The following TSR3 variants were observed in gnomAD, a reference collection of about 807,000 sequenced individuals.
TSR3 encodes the protein TSR3 ribosome maturation factor, also known as 18S rRNA aminocarboxypropyltransferase.
TSR3 carries 31 observed loss-of-function variants against 28.1 expected under a neutral mutation model. The ratio of observed to expected loss-of-function variants is 1.10; its 90% CI spans 0.83 to 1.49. The LOEUF (loss-of-function observed/expected upper bound fraction) is 1.49. TSR3 is among the 40% of genes most tolerant of loss of function. The probability of loss-of-function intolerance (pLI) is 0.00; values close to 1 mark genes in which losing one functional copy is unlikely to be tolerated. For synonymous variants in TSR3, 219 were observed against 197.2 expected, an observed-to-expected ratio of 1.11 and a Z score of -0.93; for missense variants, 511 against 444.0, an observed-to-expected ratio of 1.15 and a Z score of -1.36.
rs367842011 is a variant in TSR3, at chr16:1,351,009, G to A, written c.333-9C>T. ...ACTGCGCCACCAGCTGTCTGCCAGG[G>A]ACAGCATGGGATAAGTTCAGGAGCC... On this transcript the variant is annotated splice_polypyrimidine_tract_variant and intron_variant, in intron 2 of 5. Coordinates refer to ENST00000007390, the MANE Select transcript of TSR3 (RefSeq NM_001001410.3). The A allele has an allele frequency of 4.3e-6, 7 of 1,610,618 alleles. No individual in the cohort carries two copies. In the African/African-American group the frequency reaches 9.3e-5, roughly 22 times the overall value.
chr16:1,350,430 C>T (rs1008865739), intron 3 of TSR3, among the ~76,000 whole-genome samples, 196 bp from the exon 4 acceptor site: 4 of 152,180 alleles, frequency 2.6e-5, no homozygotes, highest in Non-Finnish European at 5.9e-5. Context: ...TGCAACCGAC[C>T]AAGTCCCCCT....
Position 1,350,089 on chromosome 16 carries a change from A to C in TSR3, c.672T>G (p.Asn224Lys), listed in dbSNP as rs1439557684. Reference protein sequence around the residue: ...VLQAEQEFLANAKESPQEEEI... With the variant: ...VLQAEQEFLAKAKESPQEEEI... ...CCTCCTCCTGGGGGCTCTCCTTGGCATTGGCCAAGAACTCCTGCTCCGCCT... is the reference window on the plus strand; with the variant it reads ...CCTCCTCCTGGGGGCTCTCCTTGGCCTTGGCCAAGAACTCCTGCTCCGCCT... The change falls in exon 4 of 6, where the codon AAT becomes AAG. Residue 224 changes from asparagine to lysine, a missense_variant. Coordinates refer to ENST00000007390, the MANE Select transcript of TSR3 (RefSeq NM_001001410.3). 1 of 1,609,008 alleles carries C rather than the reference A, an allele frequency of 6.2e-7. No individual in the cohort carries two copies. Among genetic ancestry groups the C allele is most frequent in the East Asian group, 2.2e-5 (1 of 44,752 alleles).
Position 1,351,715 on chromosome 16 carries a change from C to A in TSR3, c.90G>T (p.Glu30Asp). 1 of 1,373,476 alleles carries A rather than the reference C, an allele frequency of 7.3e-7. No individual in the cohort carries two copies. Among genetic ancestry groups the A allele is most frequent in the Non-Finnish European group, 9.4e-7 (1 of 1,068,392 alleles). The allele number at this position is 1,373,476 out of a possible 1,614,324, so 85.1% of individuals were successfully genotyped here. A position where few individuals can be genotyped will look rare whatever the true frequency, so the allele number is the denominator to read the frequency against. Residue 30 changes from glutamate to aspartate, a missense_variant, in exon 1 of 6, where the codon GAG becomes GAT. Coordinates refer to ENST00000007390, the MANE Select transcript of TSR3 (RefSeq NM_001001410.3). ...LPTRSLEAFA[E>D]EVGAALQASV... The stretch of plus-strand genomic sequence containing the variant: ...CACCCTGCAGCGCGGCGCCGACCTC[C>A]TCGGCGAAGGCCTCCAGGGAGCGCG...
rs1263602943 is a variant in TSR3 at position 1,351,372 on chromosome 16, C to A, written c.332+7G>T. ...AAGACGACCTCGGGCAGGCCTCCCG[C>A]GCCTACCTGTCTGCGGGGGACGCGT... On this transcript the variant is annotated splice_region_variant and intron_variant, in intron 2 of 5. Coordinates refer to ENST00000007390, the MANE Select transcript of TSR3 (RefSeq NM_001001410.3). 1 of 1,578,464 alleles carries A rather than the reference C, an allele frequency of 6.3e-7. No homozygotes were observed. The highest frequency in any genetic ancestry group is 8.5e-7 in the Non-Finnish European group (1 of 1,171,220).
chr16:1,350,827 G>T lies in TSR3; in HGVS notation c.506C>A (p.Ala169Asp), dbSNP rs776447880. The T allele has an allele frequency of 1.2e-6, 2 of 1,612,922 alleles. No individual in the cohort carries two copies. Among genetic ancestry groups the T allele is most frequent in the South Asian group, 2.2e-5 (2 of 91,080 alleles). Residue 169 changes from alanine to aspartate, a missense_variant, in exon 3 of 6, where the codon GCT becomes GAT. Transcript: ENST00000007390. ...PYRLSCVEAFAATFCIVGFPD... is the reference protein window; with the variant it reads ...PYRLSCVEAFDATFCIVGFPD... ...CTCACCTACGATGCAGAAGGTGGCA[G>T]CAAACGCTTCCACGCAGGAAAGTCT... is the stretch of plus-strand genomic sequence containing the variant.
In TSR3 at chr16:1,351,702, C is replaced by T; in HGVS notation, c.103G>A (p.Ala35Thr). 7.3e-7 allele frequency: 1 copy of T among 1,372,160 alleles called. No homozygotes were observed. The highest frequency in any genetic ancestry group is 9.4e-7 in the Non-Finnish European group (1 of 1,068,294). The allele number at this position is 1,372,160 out of a possible 1,614,324, so 85.0% of individuals were successfully genotyped here. A position where few individuals can be genotyped will look rare whatever the true frequency, so the allele number is the denominator to read the frequency against. The change falls in exon 1 of 6, where the codon GCG becomes ACG. Residue 35 changes from alanine (A) to threonine (T), a missense_variant. Ala to Thr is a moderately conservative substitution (Grantham distance 58). Transcript: ENST00000007390. ...ATCACGCCTCGCTCACCCTGCAGCG[C>T]GGCGCCGACCTCCTCGGCGAAGGCC... ...LEAFAEEVGA[A>T]LQASVEPGAA...
In TSR3 at chr16:1,350,137, G is replaced by T. The variant is rs759381551; in HGVS notation, c.624C>A (p.Cys208Ter). 1 of 1,612,132 alleles carries T rather than the reference G, an allele frequency of 6.2e-7. No individual in the cohort carries two copies. The highest frequency in any genetic ancestry group is 1.7e-5 in the Admixed American group (1 of 59,990). ...CCTGCAGCACCTCCTCCGGGCTGCC[G>T]CAGGCCGCGTACTTGTCCAGGAGCT... Reference protein sequence around the residue: ...NRQLLDKYAACGSPEEVLQAE... With the variant: ...NRQLLDKYAA Residue 208 changes from cysteine to a stop codon, truncating the protein, a stop_gained, in exon 4 of 6, where the codon TGC (cysteine) becomes TGA (stop). Coordinates refer to ENST00000007390, the MANE Select transcript of TSR3 (RefSeq NM_001001410.3). LOFTEE classifies it high-confidence loss of function.
chr16:1,351,024 G>C, intron 2 of TSR3, 24 bp from the exon 3 acceptor site: 1 of 1,607,476 alleles, frequency 6.2e-7, no homozygotes, highest in East Asian at 2.2e-5. Context: ...CATGGGATAA[G>C]TTCAGGAGCC....
At chr16:1,350,755 A>G in intron 3 of TSR3, 52 bp downstream of exon 3, 2 of 1,571,070 alleles carry the variant, frequency 1.3e-6, no homozygotes, top group Non-Finnish European at 1.7e-6. Flanking sequence ...CTGGGAGCAT[A>G]GCAGGAACAG....
intron 2 of TSR3, 92 bp downstream of exon 2, chr16:1,351,287 G>A: frequency 3.0e-6 from 4 of 1,341,978 alleles, no homozygotes; most frequent in Non-Finnish European, 4.0e-6. Flanking sequence ...GGGTGTGGAT[G>A]TGGGTGCGAC....
At chr16:1,351,357 CG>C in intron 2 of TSR3, 21 bp downstream of exon 2, 1 of 1,564,832 alleles carries the variant, frequency 6.4e-7, no homozygotes, top group East Asian at 2.3e-5. Context: ...AAGACGACCT[CG>C]GGCAGGCCTC....
At position 1,351,014 on chromosome 16, in the gene TSR3, C is replaced by CA; in HGVS notation, c.333-15dup. On this transcript the variant is annotated splice_polypyrimidine_tract_variant and intron_variant, in intron 2 of 5. Coordinates refer to ENST00000007390, the MANE Select transcript of TSR3 (RefSeq NM_001001410.3). ...GCCACCAGCTGTCTGCCAGGGACAG[C>CA]ATGGGATAAGTTCAGGAGCCAGCAC... 6.2e-7 allele frequency: 1 copy of CA among 1,610,222 alleles called. No homozygotes were observed. Among genetic ancestry groups the CA allele is most frequent in the Non-Finnish European group, 8.5e-7 (1 of 1,179,140 alleles).
In TSR3 at chr16:1,351,580, G is replaced by T; in HGVS notation, c.131C>A (p.Ala44Glu). ...GCCCGGGCCGCCCTCGCCGTCAGCCGCCCCTGGCTCCACGGAAGCTGCACG... is the reference window on the plus strand; with the variant it reads ...GCCCGGGCCGCCCTCGCCGTCAGCCTCCCCTGGCTCCACGGAAGCTGCACG... ...AALQASVEPGAADGEGGPGPA... is the reference protein window; with the variant it reads ...AALQASVEPGEADGEGGPGPA... The change falls in exon 2 of 6, where the codon GCG becomes GAG. Residue 44 changes from alanine to glutamate, a missense_variant. By Grantham distance (107) the Ala-to-Glu change is moderately radical. Transcript: ENST00000007390. 2 of 1,474,128 alleles carry T rather than the reference G, an allele frequency of 1.4e-6. No individual in the cohort carries two copies. The highest frequency in any genetic ancestry group is 1.8e-6 in the Non-Finnish European group (2 of 1,121,660). The allele number at this position is 1,474,128 out of a possible 1,614,324, so 91.3% of individuals were successfully genotyped here.
chr16:1,351,593 C>G lies in TSR3; in HGVS notation c.118G>C (p.Val40Leu). The change falls in exon 2 of 6, where the codon GTG (valine) becomes CTG (leucine). Residue 40 changes from valine to leucine, a missense_variant. Val to Leu is a conservative substitution (Grantham distance 32, BLOSUM62 1). Transcript: ENST00000007390. ...EEVGAALQAS[V>L]EPGAADGEGG... ...TCGCCGTCAGCCGCCCCTGGCTCCA[C>G]GGAAGCTGCACGAGAGAGAGAAGGG... is the stretch of plus-strand genomic sequence containing the variant. 1.4e-6 allele frequency: 2 copies of G among 1,475,398 alleles called. No homozygotes were observed. 91.4% of individuals were successfully genotyped at this position (1,475,398 alleles called of 1,614,324 possible).
Position 1,349,329 on chromosome 16 carries a change from A to G in TSR3, c.*108T>C. ...AGTGTGGGGAGAACCCGGACAGCTC[A>G]GTCCTGCCAGCAGCCGCAAAGAGCC... On this transcript the variant is annotated 3_prime_UTR_variant, in exon 6 of 6. Transcript: ENST00000007390. 1 of 1,258,986 alleles carries G rather than the reference A, an allele frequency of 7.9e-7. No individual in the cohort carries two copies. The highest frequency in any genetic ancestry group is 2.3e-5 in the East Asian group (1 of 43,296). The allele number at this position is 1,258,986 out of a possible 1,614,324, so 78.0% of individuals were successfully genotyped here.
intron 3 of TSR3, 33 bp downstream of exon 3, chr16:1,350,774 C>T (rs764599725): frequency 1.9e-5 from 30 of 1,595,692 alleles, no homozygotes; most frequent in Admixed American, 5.1e-5. Context: ...AGCAGGCCGC[C>T]GGGTCACACT....
intron 3 of TSR3, among the ~76,000 whole-genome samples, chr16:1,350,461 T>A (rs1338895348): frequency 6.6e-6 from 1 of 152,024 alleles, no homozygotes; most frequent in Non-Finnish European, 1.5e-5. Context: ...GAAACAAACA[T>A]TCCCACCAAG....
At position 1,351,407 on chromosome 16, in the gene TSR3, C is replaced by T; in HGVS notation, c.304G>A (p.Gly102Ser). The change falls in exon 2 of 6, where the codon GGC (glycine) becomes AGC (serine). Residue 102 changes from glycine (G) to serine (S), a missense_variant. Transcript: ENST00000007390. ...TCTGCGGGGGACGCGTACTGCTTGC[C>T]CACGGGGCTCAGCACCAGACCGCCG... is the stretch of plus-strand genomic sequence containing the variant. Reference protein sequence around the residue: ...RFGGLVLSPVGKQYASPADRQ... With the variant: ...RFGGLVLSPVSKQYASPADRQ... The T allele has an allele frequency of 6.3e-7, 1 of 1,594,882 alleles. No individual in the cohort carries two copies. The highest frequency in any genetic ancestry group is 8.5e-7 in the Non-Finnish European group (1 of 1,178,374).
chr16:1,351,690 C>A lies in TSR3; in HGVS notation c.112+3G>T. 1 of 1,382,506 alleles carries A rather than the reference C, an allele frequency of 7.2e-7. No individual in the cohort carries two copies. The allele number at this position is 1,382,506 out of a possible 1,614,324, so 85.6% of individuals were successfully genotyped here. ...CCCGCTCTCCCCATCACGCCTCGCTCACCCTGCAGCGCGGCGCCGACCTCC... is the reference window on the plus strand; with the variant it reads ...CCCGCTCTCCCCATCACGCCTCGCTAACCCTGCAGCGCGGCGCCGACCTCC... On this transcript the variant is annotated splice_donor_region_variant and intron_variant, in intron 1 of 5. Transcript: ENST00000007390.
Sources: allele counts gnomAD v4.1 joint callset (sites outside exome capture counted in the v4.1 genomes callset), GRCh38; gene constraint gnomAD v4.1.1; transcripts MANE v1.5; gene names NCBI Gene and HGNC (gene_info 2026-07-23, HGNC 2026-07-21).